Variants in CNTN5 observed in about 807,000 individuals in gnomAD.
CNTN5 encodes contactin 5.
Under a neutral mutation model 129.1 loss-of-function variants are expected in CNTN5, and 77 were observed. The ratio of observed to expected loss-of-function variants is 0.60; its 90% CI spans 0.50 to 0.72. CNTN5 has a LOEUF of 0.72. Among genes scored for constraint, CNTN5 ranks in the 30% least tolerant of loss-of-function variants. CNTN5 has a pLI of 0.00. For missense variants in CNTN5, 1,478 were observed against 1,328.8 expected (o/e 1.11, Z -1.75); for synonymous variants, 509 against 465.6 (o/e 1.09, Z -1.20).
chr11:99,201,341 C>CT lies in CNTN5; in HGVS notation c.-209-124003dup, dbSNP rs1463516640. On this transcript the variant is annotated intron_variant, in intron 1 of 24. Transcript: ENST00000524871. ...GCCTGGCCCCTTCCTTCCTTCCTTC[C>CT]TTCCTTTCCTTTCCTTCCTTCCTTC... Among the ~76,000 whole-genome samples, 215 of 125,554 alleles carry CT rather than the reference C, an allele frequency of 1.7e-3. 1 individual carries two copies. The highest frequency in any genetic ancestry group is 0.011 in the East Asian group (38 of 3,480). The allele number at this position is 125,554 out of a possible 152,430, so 82.4% of individuals were successfully genotyped here. A position where few individuals can be genotyped will look rare whatever the true frequency, so the allele number is the denominator to read the frequency against.
At chr11:99,420,964 T>C (rs1266032222) in intron 2 of CNTN5, among the ~76,000 whole-genome samples, 2 of 152,292 alleles carry the variant, frequency 1.3e-5, no homozygotes, top group African/African-American at 4.8e-5. Flanking sequence ...CTCGGAAGCA[T>C]GGATAGCAGG....
At chr11:100,324,222 G>T (rs751856718) in intron 21 of CNTN5, among the ~76,000 whole-genome samples, 1 of 152,066 alleles carries the variant, frequency 6.6e-6, no homozygotes, top group African/African-American at 2.4e-5. Flanking sequence ...AAAGGGCAGC[G>T]GTGGGAAGGG....
At chr11:100,219,595 A>G (rs1386093432) in intron 15 of CNTN5, among the ~76,000 whole-genome samples, 1 of 152,178 alleles carries the variant, frequency 6.6e-6, no homozygotes, top group Admixed American at 6.5e-5. Flanking sequence ...CTATGTCAAC[A>G]AATAGAACTG....
intron 1 of CNTN5, among the ~76,000 whole-genome samples, chr11:99,113,232 A>G (rs1857885273): frequency 6.6e-6 from 1 of 152,046 alleles, no homozygotes; most frequent in South Asian, 2.1e-4. Context: ...TCCCTCTTTG[A>G]TGATGGATAC....
At chr11:99,594,604 A>C (rs1410248399) in intron 3 of CNTN5, among the ~76,000 whole-genome samples, 2 of 152,292 alleles carry the variant, frequency 1.3e-5, no homozygotes, top group East Asian at 3.9e-4. Flanking sequence ...CGGTTCTATC[A>C]ATATGAGCTC....
chr11:99,026,680 C>A (rs541202023), intron 1 of CNTN5, among the ~76,000 whole-genome samples: 47 of 151,602 alleles, frequency 3.1e-4, no homozygotes, highest in Middle Eastern at 6.8e-3. Flanking sequence ...TTTTTACCTA[C>A]TCATAATAAA....
At chr11:99,818,662 C>T (rs1396869261) in intron 3 of CNTN5, among the ~76,000 whole-genome samples, 3 of 152,056 alleles carry the variant, frequency 2.0e-5, no homozygotes, top group Non-Finnish European at 4.4e-5. Flanking sequence ...CTTTAGAGTT[C>T]ATCATAATTA....
At chr11:99,339,450 T>C (rs1866408089) in intron 2 of CNTN5, among the ~76,000 whole-genome samples, 1 of 152,090 alleles carries the variant, frequency 6.6e-6, no homozygotes, top group Admixed American at 6.6e-5. Flanking sequence ...GCCAGTCATG[T>C]GGATTTTTTG....
chr11:99,561,751 G>A (rs1399102914), intron 3 of CNTN5, among the ~76,000 whole-genome samples: 1 of 744 alleles, frequency 1.3e-3, no homozygotes, highest in Non-Finnish European at 0.012. Flanking sequence ...TCAAAACTTA[G>A]GAAAATTAGG....
chr11:100,038,622 TA>T (rs1196074347), intron 9 of CNTN5, among the ~76,000 whole-genome samples: 3 of 152,158 alleles, frequency 2.0e-5, no homozygotes, highest in Non-Finnish European at 4.4e-5. Flanking sequence ...TGTAGGTCAC[TA>T]AGGACTTGCT....
At chr11:99,404,946 C>T (rs1270870626) in intron 2 of CNTN5, among the ~76,000 whole-genome samples, 2 of 152,096 alleles carry the variant, frequency 1.3e-5, no homozygotes, top group Admixed American at 6.6e-5. Flanking sequence ...TCTAGGAAAG[C>T]CTTTATGTCT....
chr11:99,274,868 A>T (rs1863352221), intron 1 of CNTN5, among the ~76,000 whole-genome samples: 1 of 151,634 alleles, frequency 6.6e-6, no homozygotes, highest in Non-Finnish European at 1.5e-5. Flanking sequence ...GCCAGTGCTC[A>T]GTAAATGCTG....
chr11:99,057,972 A>T (rs1864702114), intron 1 of CNTN5, among the ~76,000 whole-genome samples: 2 of 152,068 alleles, frequency 1.3e-5, no homozygotes, highest in Non-Finnish European at 2.9e-5. Context: ...ATAATATTCT[A>T]GGTAGAGGAA....
chr11:99,960,977 C>T (rs1053331424), intron 8 of CNTN5, among the ~76,000 whole-genome samples: 2 of 151,844 alleles, frequency 1.3e-5, no homozygotes, highest in African/African-American at 2.4e-5. Context: ...CCGTGGCGAG[C>T]GGATCACCTG....
chr11:99,222,998 T>C (rs1860479086), intron 1 of CNTN5, among the ~76,000 whole-genome samples: 1 of 152,180 alleles, frequency 6.6e-6, no homozygotes. Context: ...TCTAAATCTC[T>C]GCTGCAGCTT....
chr11:99,635,726 T>C (rs1422763055), intron 3 of CNTN5, among the ~76,000 whole-genome samples: 1 of 152,094 alleles, frequency 6.6e-6, no homozygotes, highest in Non-Finnish European at 1.5e-5. Flanking sequence ...CTAGGGAAAA[T>C]GACAAGCTCA....
chr11:99,911,266 T>C (rs1426833272), intron 6 of CNTN5, among the ~76,000 whole-genome samples: 1 of 152,016 alleles, frequency 6.6e-6, no homozygotes, highest in East Asian at 1.9e-4. Context: ...TTGAGAATCC[T>C]TGGAGCACTG....
chr11:99,620,796 G>T (rs929024748), intron 3 of CNTN5, among the ~76,000 whole-genome samples: 2 of 152,002 alleles, frequency 1.3e-5, no homozygotes, highest in East Asian at 1.9e-4. Context: ...CAGAAAGCAG[G>T]TTCCTGAGAC....
intron 3 of CNTN5, among the ~76,000 whole-genome samples, chr11:99,656,036 ATG>A (rs975814042): frequency 2.2e-4 from 33 of 151,330 alleles, no homozygotes; most frequent in Middle Eastern, 3.4e-3. Flanking sequence ...GTATGTGTGT[ATG>A]TGTGTATATA....
Sources: gnomAD v4.1 joint callset for allele counts (sites outside exome capture counted in the v4.1 genomes callset) on GRCh38, gnomAD v4.1.1 for gene constraint, MANE v1.5 for transcripts, NCBI Gene and HGNC (gene_info 2026-07-23, HGNC 2026-07-21) for gene names.